HERC2: variants seen among roughly 807,000 people sequenced by gnomAD.
HERC2 encodes the protein HECT and RLD domain containing E3 ubiquitin protein ligase 2.
Under a neutral mutation model 537.7 loss-of-function variants are expected in HERC2, and 102 were observed. That is an observed-to-expected ratio of 0.19 (90% CI 0.16 to 0.22). The LOEUF is 0.22. Among genes scored for constraint, HERC2 ranks in the 10% least tolerant of loss-of-function variants. HERC2 has a pLI of 1.00. For synonymous variants in HERC2, 2,224 were observed against 2,466.2 expected (o/e 0.90, Z 2.91); for missense variants, 4,236 against 6,198.2 (o/e 0.68, Z 10.63).
At chr15:28,175,709 C>T in intron 63 of HERC2, 53 bp from the exon 64 acceptor site, 4 of 1,577,074 alleles carry the variant, frequency 2.5e-6, no homozygotes, top group Middle Eastern at 1.7e-4. Flanking sequence ...TCTGACAATG[C>T]TATACAAGAA....
Position 28,176,831 on chromosome 15 carries a change from C to T in HERC2, c.9433-63G>A. ...GGCACGGAGAAAGCAATGGATTTTC[C>T]CACAGATAAAGCCAACCATGCACAC... On this transcript the variant is annotated intron_variant, in intron 61 of 92. Transcript: ENST00000261609. This position sits in a 1 kb window ranked among gnomAD's most constrained non-coding sequence, Gnocchi z 5.0. The T allele has an allele frequency of 6.3e-7, 1 of 1,592,336 alleles. No individual in the cohort carries two copies. Among genetic ancestry groups the T allele is most frequent in the Non-Finnish European group, 8.6e-7 (1 of 1,163,554 alleles).
At position 28,144,772 on chromosome 15, in the gene HERC2, G is replaced by A. The variant is rs143963667; in HGVS notation, c.11041C>T (p.Arg3681Cys). Residue 3681 changes from arginine to cysteine, a missense_variant, in exon 72 of 93, where the codon CGC becomes TGC. Physicochemically the swap from Arg to Cys is radical, Grantham distance 180. Transcript: ENST00000261609. The stretch of plus-strand genomic sequence containing the variant: ...CACTTTAACTCATCCCCTGGGATGC[G>A]CAGCTCGCTGGACCAGTCGGACCAC... ...REWSDWSSEL[R>C]IPGDELKWKF... The A allele has an allele frequency of 1.2e-4, 191 of 1,614,050 alleles. 1 individual carries two copies. Among genetic ancestry groups the A allele is most frequent in the Non-Finnish European group, 2.8e-5 (33 of 1,180,036 alleles).
In HERC2 at chr15:28,177,594, T is replaced by C. The variant is rs1895419738; in HGVS notation, c.9164-85A>G. 8 of 1,145,830 alleles carry C rather than the reference T, an allele frequency of 7.0e-6. No homozygotes were observed. The highest frequency in any genetic ancestry group is 1.1e-5 in the Non-Finnish European group (8 of 756,814). 71.0% of individuals were successfully genotyped at this position (1,145,830 alleles called of 1,614,324 possible). A position where few individuals can be genotyped will look rare whatever the true frequency, so the allele number is the denominator to read the frequency against. Reference sequence around the variant, plus strand: ...AGCTAGCTCCCTATTTTGCCTGGCATATAGCACACACTCAATGAGCGTGAG... The same window carrying C: ...AGCTAGCTCCCTATTTTGCCTGGCACATAGCACACACTCAATGAGCGTGAG... On this transcript the variant is annotated intron_variant, in intron 59 of 92. Coordinates refer to ENST00000261609, the MANE Select transcript of HERC2 (RefSeq NM_004667.6). The surrounding 1 kb of genome is among the most constrained non-coding windows in gnomAD (Gnocchi z 5.0).
At chr15:28,129,665 A>C (rs1889891432) in intron 83 of HERC2, among the ~76,000 whole-genome samples, 1 of 152,218 alleles carries the variant, frequency 6.6e-6, no homozygotes, top group African/African-American at 2.4e-5. Flanking sequence ...ACAGCCCAGT[A>C]ATAAGTAATA....
At chr15:28,292,000 G>C (rs1364690179) in intron 4 of HERC2, among the ~76,000 whole-genome samples, 2 of 151,534 alleles carry the variant, frequency 1.3e-5, no homozygotes, top group African/African-American at 4.9e-5. Context: ...GGCCAAGGTG[G>C]GTGGATCACC....
At position 28,260,958 on chromosome 15, in the gene HERC2, A is replaced by G. The variant is rs1388342184; in HGVS notation, c.2135T>C (p.Ile712Thr). ...GTGGGTGGAGCCTGCAGCCACATCA[A>G]TCACCTTCTTCCCTACAAGGGAAGA... ...LLEGLQGKKV[I>T]DVAAGSTHCL... The change falls in exon 16 of 93, where the codon ATT (isoleucine) becomes ACT (threonine). Residue 712 changes from isoleucine to threonine, a missense_variant. By Grantham distance (89) the Ile-to-Thr change is moderately conservative. Transcript: ENST00000261609. 4 of 1,613,714 alleles carry G rather than the reference A, an allele frequency of 2.5e-6. No homozygotes were observed. Among genetic ancestry groups the G allele is most frequent in the African/African-American group, 2.7e-5 (2 of 75,062 alleles).
At chr15:28,218,778 C>T (rs1900206144) in intron 37 of HERC2, 107 bp from the exon 38 acceptor site, 1 of 1,039,256 alleles carries the variant, frequency 9.6e-7, no homozygotes, top group African/African-American at 1.6e-5. Flanking sequence ...TTATTGAAGA[C>T]TTGAATTTTA....
In HERC2 at chr15:28,265,494, C is replaced by T; in HGVS notation, c.1870+124G>A. On this transcript the variant is annotated intron_variant, in intron 14 of 92. Transcript: ENST00000261609. This position sits in a 1 kb window ranked among gnomAD's most constrained non-coding sequence, Gnocchi z 4.0. ...GCCTCTTCCCCAATGCCACTGAGCC[C>T]CACACCCACTGGGCGACAGGGTGGG... The T allele has an allele frequency of 1.3e-6, 1 of 745,988 alleles. No individual in the cohort carries two copies. 46.2% of individuals were successfully genotyped at this position (745,988 alleles called of 1,614,324 possible). A position where few individuals can be genotyped will look rare whatever the true frequency, so the allele number is the denominator to read the frequency against.
intron 20 of HERC2, among the ~76,000 whole-genome samples, chr15:28,251,440 C>A (rs541417818): frequency 3.4e-5 from 5 of 149,226 alleles, no homozygotes; most frequent in African/African-American, 1.2e-4. Context: ...GAGGCTCCAT[C>A]TCGGGGGAAA....
chr15:28,136,508 G>A (rs540283258), intron 78 of HERC2, among the ~76,000 whole-genome samples: 1 of 152,202 alleles, frequency 6.6e-6, no homozygotes, highest in African/African-American at 2.4e-5. Context: ...GGCTCCAAAG[G>A]GTTGCCCCTC....
chr15:28,257,401 A>G (rs1596335693), intron 16 of HERC2, 140 bp from the exon 17 acceptor site: 1 of 652,640 alleles, frequency 1.5e-6, no homozygotes, highest in East Asian at 2.8e-5. Flanking sequence ...AAAGGCATTC[A>G]TGGATGTCTA....
At chr15:28,256,486 A>T (rs914158514) in intron 17 of HERC2, among the ~76,000 whole-genome samples, 169 bp from the exon 18 acceptor site, 4 of 152,196 alleles carry the variant, frequency 2.6e-5, no homozygotes, top group African/African-American at 9.7e-5. Context: ...ACAATAGTTG[A>T]GGTATTTGCT....
At chr15:28,291,349 C>G (rs1320181006) in intron 4 of HERC2, among the ~76,000 whole-genome samples, 1 of 152,072 alleles carries the variant, frequency 6.6e-6, no homozygotes, top group African/African-American at 2.4e-5. Flanking sequence ...CTCAGCATCC[C>G]AAAGTGCTGG....
chr15:28,253,562 C>T (rs2075153450), intron 20 of HERC2, among the ~76,000 whole-genome samples: 1 of 152,240 alleles, frequency 6.6e-6, no homozygotes, highest in African/African-American at 2.4e-5. Flanking sequence ...ATTCTAACAT[C>T]TATACTAGGT....
chr15:28,143,043 T>C, intron 74 of HERC2, 91 bp from the exon 75 acceptor site: 1 of 1,236,002 alleles, frequency 8.1e-7, no homozygotes. Context: ...TTTATTATGT[T>C]GGTACTAACT....
chr15:28,316,237 A>C (rs1163473989), intron 2 of HERC2, among the ~76,000 whole-genome samples: 2 of 151,132 alleles, frequency 1.3e-5, no homozygotes, highest in African/African-American at 4.9e-5. Flanking sequence ...AAAAAAAAAA[A>C]AAAAAAAAAA....
At chr15:28,250,809 C>A (rs1407849560) in intron 20 of HERC2, among the ~76,000 whole-genome samples, 3 of 152,068 alleles carry the variant, frequency 2.0e-5, no homozygotes, top group Non-Finnish European at 4.4e-5. Context: ...TCTACCCATG[C>A]AGGAGAGGGA....
intron 5 of HERC2, among the ~76,000 whole-genome samples, chr15:28,279,625 A>ACACG (rs1184960134): frequency 6.6e-6 from 1 of 150,440 alleles, no homozygotes; most frequent in African/African-American, 2.5e-5. Flanking sequence ...CCACACACAC[A>ACACG]CACACACACA....
At chr15:28,205,452 T>G (rs1326289674) in intron 45 of HERC2, among the ~76,000 whole-genome samples, 322 of 123,586 alleles carry the variant, frequency 2.6e-3, no homozygotes, top group Admixed American at 0.019. Context: ...CACACCCGTT[T>G]CTTGCTTTCT....
Sources: allele counts gnomAD v4.1 joint callset (sites outside exome capture counted in the v4.1 genomes callset), GRCh38; gene constraint gnomAD v4.1.1; non-coding constraint Gnocchi (gnomAD v3.1); transcripts MANE v1.5; gene names NCBI Gene and HGNC (gene_info 2026-07-23, HGNC 2026-07-21).